The following MINDY2 variants were observed in gnomAD, a reference collection of about 807,000 sequenced individuals.
The protein encoded by MINDY2 is MINDY lysine 48 deubiquitinase 2, also known as ubiquitin carboxyl-terminal hydrolase MINDY-2.
MINDY2 carries 52 observed loss-of-function variants against 68.2 expected under a neutral mutation model. The observed-to-expected ratio is 0.76, with a 90% CI of 0.61 to 0.96. The LOEUF is 0.96. Ranked by LOEUF, MINDY2 falls within the 40% of genes least tolerant of loss-of-function variation. The probability of loss-of-function intolerance (pLI) is 0.00; values close to 1 mark genes in which losing one functional copy is unlikely to be tolerated. For synonymous variants in MINDY2, 372 were observed against 303.0 expected (o/e 1.23, Z -2.36); for missense variants, 881 against 773.4 (o/e 1.14, Z -1.65).
chr15:58,843,463 G>C (rs1319252851), intron 6 of MINDY2, among the ~76,000 whole-genome samples: 2 of 152,096 alleles, frequency 1.3e-5, no homozygotes, highest in African/African-American at 4.8e-5. Flanking sequence ...GAGATGTTAA[G>C]TAATTTGAAT....
chr15:58,824,087 A>G (rs2031241566), intron 5 of MINDY2, among the ~76,000 whole-genome samples: 1 of 152,218 alleles, frequency 6.6e-6, no homozygotes, highest in Non-Finnish European at 1.5e-5. Context: ...GGATAAACTG[A>G]CTTATGGAGT....
chr15:58,814,371 A>C (rs1189452217), intron 4 of MINDY2, among the ~76,000 whole-genome samples: 7 of 150,066 alleles, frequency 4.7e-5, no homozygotes, highest in African/African-American at 7.3e-5. Context: ...GGTTCTTTAC[A>C]GTTGAGTTTT....
intron 3 of MINDY2, 134 bp from the exon 4 acceptor site, chr15:58,810,096 A>G: frequency 5.0e-6 from 4 of 801,950 alleles, no homozygotes; most frequent in Non-Finnish European, 7.8e-6. Flanking sequence ...GTAGATACTC[A>G]ATAATAAAAA....
rs183106498 is a variant in MINDY2, at chr15:58,859,062, C to T, written c.*4452C>T. ...TTCTTGAATGTGCACACTTTTTTCT[C>T]AATAACAAAATATATCTTAAGTCAG... On this transcript the variant is annotated 3_prime_UTR_variant, in exon 9 of 9. Transcript: ENST00000559228. The T allele has an allele frequency of 1.2e-4, 18 of 152,058 alleles. No homozygotes were observed. Among genetic ancestry groups the T allele is most frequent in the Non-Finnish European group, 4.4e-5 (3 of 67,916 alleles). 9.4% of individuals were successfully genotyped at this position (152,058 alleles called of 1,614,324 possible). A position where few individuals can be genotyped will look rare whatever the true frequency, so the allele number is the denominator to read the frequency against.
Position 58,827,550 on chromosome 15 carries a change from G to A in MINDY2, c.1226-4224G>A, listed in dbSNP as rs1231251914. On this transcript the variant is annotated intron_variant, in intron 5 of 8. Transcript: ENST00000559228. ...GCGATCTCGGCTCACTGTAAGCTCC[G>A]CCTTCCGGGTTCATGCCGTTCTCTT... 5.9e-5 allele frequency among the ~76,000 whole-genome samples: 9 copies of A among 152,180 alleles called. No individual in the cohort carries two copies. The South Asian group carries it at 1.5e-3, about 25-fold the overall frequency.
At chr15:58,776,706 T>C (rs750698453) in intron 1 of MINDY2, among the ~76,000 whole-genome samples, 1 of 151,828 alleles carries the variant, frequency 6.6e-6, no homozygotes, top group Non-Finnish European at 1.5e-5. Context: ...ACAAGAAAAA[T>C]ACAGAGACAA....
At chr15:58,825,168 G>T (rs2031313083) in intron 5 of MINDY2, among the ~76,000 whole-genome samples, 1 of 152,068 alleles carries the variant, frequency 6.6e-6, no homozygotes, top group African/African-American at 2.4e-5. Flanking sequence ...TCCTATCAAG[G>T]TATGAGGAAT....
At chr15:58,780,674 G>A (rs1388833469) in intron 1 of MINDY2, among the ~76,000 whole-genome samples, 1 of 152,126 alleles carries the variant, frequency 6.6e-6, no homozygotes, top group Non-Finnish European at 1.5e-5. Context: ...ACAGACTCCG[G>A]TTTTTAGCTC....
chr15:58,782,945 A>G, intron 1 of MINDY2, among the ~76,000 whole-genome samples: 1 of 72,666 alleles, frequency 1.4e-5, no homozygotes, highest in Non-Finnish European at 2.6e-5. Flanking sequence ...TTTGAGACAG[A>G]GTCTTGCTCT....
chr15:58,800,146 A>G (rs1902544149), intron 2 of MINDY2, among the ~76,000 whole-genome samples: 1 of 152,204 alleles, frequency 6.6e-6, no homozygotes, highest in Non-Finnish European at 1.5e-5. Context: ...ACTTATGCCA[A>G]GCCCTCTCTT....
At chr15:58,813,613 G>GT (rs1387336243) in intron 4 of MINDY2, among the ~76,000 whole-genome samples, 1 of 151,978 alleles carries the variant, frequency 6.6e-6, no homozygotes, top group South Asian at 2.1e-4. Context: ...TTGTTTGTTT[G>GT]TTTTTTAAGA....
chr15:58,839,153 G>A (rs2032151309), intron 6 of MINDY2, among the ~76,000 whole-genome samples: 1 of 151,824 alleles, frequency 6.6e-6, no homozygotes, highest in Non-Finnish European at 1.5e-5. Flanking sequence ...TTGTCATCCA[G>A]AGTCTTTTGG....
chr15:58,808,187 G>T (rs563982423), intron 3 of MINDY2, among the ~76,000 whole-genome samples: 13 of 152,216 alleles, frequency 8.5e-5, no homozygotes, highest in African/African-American at 3.1e-4. Flanking sequence ...CATCAGAGTG[G>T]TTCATTTATT....
chr15:58,846,148 A>G (rs1162516871), intron 6 of MINDY2, among the ~76,000 whole-genome samples: 1 of 152,120 alleles, frequency 6.6e-6, no homozygotes, highest in East Asian at 1.9e-4. Flanking sequence ...TGCTAACACA[A>G]GAGTGTGAGT....
chr15:58,814,735 G>A (rs1567058043), intron 4 of MINDY2, among the ~76,000 whole-genome samples: 1 of 149,824 alleles, frequency 6.7e-6, no homozygotes, highest in Non-Finnish European at 1.5e-5. Context: ...TGTTCTTGAT[G>A]TGTTCTAAGC....
intron 2 of MINDY2, chr15:58,796,109 G>A (rs1902265106): frequency 2.2e-6 from 1 of 455,940 alleles, no homozygotes; most frequent in South Asian, 1.5e-5. Flanking sequence ...CAAGGAAATG[G>A]AGCCTCAAGG....
rs1203377390 is a variant in MINDY2 at position 58,794,382 on chromosome 15, TGTGTGTGTG to T, written c.898+6420_898+6428del. Among the ~76,000 whole-genome samples the T allele has an allele frequency of 1.8e-3, 271 of 151,428 alleles. 2 individuals are homozygous for T. Among genetic ancestry groups the T allele is most frequent in the African/African-American group, 6.4e-3 (263 of 41,244 alleles). Reference sequence around the variant, plus strand: ...GGGTGTGTGTGTGTGTGTGTGTGTGTGTGTGTGTGTGTGTTTTAAGAATAAAATATTTTT... The same window carrying T: ...GGGTGTGTGTGTGTGTGTGTGTGTGTTGTGTTTTAAGAATAAAATATTTTT... On this transcript the variant is annotated intron_variant, in intron 2 of 8. Coordinates refer to ENST00000559228, the MANE Select transcript of MINDY2 (RefSeq NM_001040450.3).
intron 1 of MINDY2, among the ~76,000 whole-genome samples, chr15:58,783,534 C>T (rs575502839): frequency 3.9e-4 from 59 of 152,210 alleles, no homozygotes; most frequent in Non-Finnish European, 8.4e-4. Context: ...GTTTTACATT[C>T]CTGTTTAAGA....
At chr15:58,809,749 T>C (rs1368058482) in intron 3 of MINDY2, among the ~76,000 whole-genome samples, 2 of 152,338 alleles carry the variant, frequency 1.3e-5, no homozygotes, top group South Asian at 2.1e-4. Flanking sequence ...CCCAATAGAA[T>C]GTTAGTTGCA....
Sources: allele counts gnomAD v4.1 joint callset (sites outside exome capture counted in the v4.1 genomes callset), GRCh38; gene constraint gnomAD v4.1.1; transcripts MANE v1.5; gene names NCBI Gene and HGNC (gene_info 2026-07-23, HGNC 2026-07-21).